Variants in PAIP2 observed in about 807,000 individuals in gnomAD.
PAIP2 encodes the protein poly(A) binding protein interacting protein 2, also known as polyadenylate-binding protein-interacting protein 2.
In PAIP2, 7 loss-of-function variants were observed where a neutral mutation model predicts 14.8. The observed-to-expected ratio is 0.47, with a 90% CI of 0.27 to 0.89. The LOEUF (loss-of-function observed/expected upper bound fraction) is 0.89. Among genes scored for constraint, PAIP2 ranks in the 40% least tolerant of loss-of-function variants. The pLI, the probability that PAIP2 is intolerant of heterozygous loss-of-function variation, is 0.13. For synonymous variants in PAIP2, 47 were observed against 45.3 expected, an observed-to-expected ratio of 1.04 and a Z score of -0.15; for missense variants, 122 against 154.7, an observed-to-expected ratio of 0.79 and a Z score of 1.12.
At chr5:139,365,407 T>C (rs1458801428) in intron 3 of PAIP2, among the ~76,000 whole-genome samples, 1 of 151,394 alleles carries the variant, frequency 6.6e-6, no homozygotes, top group Non-Finnish European at 1.5e-5. Flanking sequence ...GGAGAATTGC[T>C]TGAATCTGGG....
At chr5:139,344,903 A>G (rs1271147028) in intron 1 of PAIP2, among the ~76,000 whole-genome samples, 1 of 152,044 alleles carries the variant, frequency 6.6e-6, no homozygotes, top group Non-Finnish European at 1.5e-5. Context: ...GCCAATTGTT[A>G]TGTGCTAGGT....
chr5:139,346,163 G>A (rs1240870121), intron 1 of PAIP2, among the ~76,000 whole-genome samples: 1 of 152,178 alleles, frequency 6.6e-6, no homozygotes, highest in Non-Finnish European at 1.5e-5. Context: ...GGAAAAAATT[G>A]CTCTTACCTA....
intron 1 of PAIP2, among the ~76,000 whole-genome samples, chr5:139,349,332 T>C (rs1490084079): frequency 6.6e-6 from 1 of 151,400 alleles, no homozygotes; most frequent in Non-Finnish European, 1.5e-5. Context: ...CACTGCAACC[T>C]CCGCCTCCTG....
chr5:139,363,603 TC>T (rs1405230958), intron 1 of PAIP2, among the ~76,000 whole-genome samples, 155 bp from the exon 2 acceptor site: 6 of 152,040 alleles, frequency 3.9e-5, no homozygotes, highest in Non-Finnish European at 8.8e-5. Flanking sequence ...ACACCTGTAG[TC>T]CCAGTTACTT....
In PAIP2 at chr5:139,364,100, C is replaced by T. The variant is rs1358848344; in HGVS notation, c.138+178C>T. ...AGGCTTAACTGCTTACGGAAATAAC[C>T]TGGGGAGCTTGTTTCAGGGTCCCAC... is the stretch of plus-strand genomic sequence containing the variant. On this transcript the variant is annotated intron_variant, in intron 2 of 3. Coordinates refer to ENST00000265192, the MANE Select transcript of PAIP2 (RefSeq NM_016480.5). 6.6e-6 allele frequency: 4 copies of T among 604,556 alleles called. No individual in the cohort carries two copies. The African/African-American group carries it at 7.5e-5, about 11-fold the overall frequency. The allele number at this position is 604,556 out of a possible 1,614,324, so 37.4% of individuals were successfully genotyped here. A position where few individuals can be genotyped will look rare whatever the true frequency, so the allele number is the denominator to read the frequency against.
At chr5:139,362,496 C>T (rs1472353677) in intron 1 of PAIP2, among the ~76,000 whole-genome samples, 7 of 149,408 alleles carry the variant, frequency 4.7e-5, no homozygotes, top group Non-Finnish European at 7.4e-5. Flanking sequence ...CCACAGCCTC[C>T]GCCTCCCGGG....
intron 1 of PAIP2, among the ~76,000 whole-genome samples, chr5:139,350,039 G>A (rs1756679526): frequency 6.6e-6 from 1 of 151,872 alleles, no homozygotes; most frequent in African/African-American, 2.4e-5. Flanking sequence ...GCCAGGTGTG[G>A]TGGCGGGCGC....
chr5:139,355,073 C>T (rs1756867247), intron 1 of PAIP2, among the ~76,000 whole-genome samples: 1 of 151,890 alleles, frequency 6.6e-6, no homozygotes, highest in South Asian at 2.1e-4. Flanking sequence ...CTGCCCCAGC[C>T]TTCCAAAGTC....
At chr5:139,364,107 G>A in intron 2 of PAIP2, 185 bp downstream of exon 2, 1 of 594,102 alleles carries the variant, frequency 1.7e-6, no homozygotes. Context: ...AACCTGGGGA[G>A]CTTGTTTCAG....
At chr5:139,358,886 T>C (rs1756992432) in intron 1 of PAIP2, among the ~76,000 whole-genome samples, 2 of 152,176 alleles carry the variant, frequency 1.3e-5, no homozygotes, top group Admixed American at 6.6e-5. Flanking sequence ...TGACTACAGA[T>C]GGGTATGGAG....
intron 3 of PAIP2, chr5:139,367,065 A>G (rs1305827633): frequency 6.6e-6 from 1 of 152,216 alleles, no homozygotes; most frequent in African/African-American, 2.4e-5. Flanking sequence ...GTCTCAAAAA[A>G]AGAGAAAAGG....
At chr5:139,350,584 T>C (rs1318747117) in intron 1 of PAIP2, among the ~76,000 whole-genome samples, 1 of 151,810 alleles carries the variant, frequency 6.6e-6, no homozygotes, top group Non-Finnish European at 1.5e-5. Flanking sequence ...TGAGCCGAGA[T>C]TGTGCCACTG....
intron 3 of PAIP2, chr5:139,367,654 A>G (rs1485243404): frequency 6.6e-6 from 1 of 152,136 alleles, no homozygotes; most frequent in African/African-American, 2.4e-5. Context: ...GAAGATGGCA[A>G]TTGTAGAAAA....
At chr5:139,361,011 G>C (rs1261408178) in intron 1 of PAIP2, among the ~76,000 whole-genome samples, 1 of 152,048 alleles carries the variant, frequency 6.6e-6, no homozygotes, top group African/African-American at 2.4e-5. Context: ...GAACTCCTGG[G>C]CTCAAGCAGT....
chr5:139,341,984 A>AG lies in PAIP2; in HGVS notation c.-27+8dup, dbSNP rs1420953797. 3 of 152,526 alleles carry AG rather than the reference A, an allele frequency of 2.0e-5. No homozygotes were observed. Among genetic ancestry groups the AG allele is most frequent in the South Asian group, 4.2e-4 (2 of 4,810 alleles). The allele number at this position is 152,526 out of a possible 1,614,324, so 9.4% of individuals were successfully genotyped here. On this transcript the variant is annotated splice_donor_region_variant and intron_variant, in intron 1 of 3. Transcript: ENST00000265192. ...CGTCCCCGCTGCTGTGCATTGGGTG[A>AG]GGGGTCCTCTCGGGCAGAGTGGCGA...
chr5:139,368,132 G>A (rs1757395483), intron 3 of PAIP2, among the ~76,000 whole-genome samples: 2 of 151,952 alleles, frequency 1.3e-5, no homozygotes, highest in African/African-American at 4.8e-5. Context: ...TCAGGAGATC[G>A]AGACCATCCT....
chr5:139,346,384 A>G (rs1303734354), intron 1 of PAIP2, among the ~76,000 whole-genome samples: 1 of 151,734 alleles, frequency 6.6e-6, no homozygotes, highest in Non-Finnish European at 1.5e-5. Flanking sequence ...TGGGACTACA[A>G]GCATGTGCCA....
chr5:139,361,017 G>A (rs886353009), intron 1 of PAIP2, among the ~76,000 whole-genome samples: 9 of 152,114 alleles, frequency 5.9e-5, no homozygotes, highest in African/African-American at 2.2e-4. Flanking sequence ...CTGGGCTCAA[G>A]CAGTCCGCCT....
intron 1 of PAIP2, among the ~76,000 whole-genome samples, chr5:139,362,390 T>A (rs1561963366): frequency 6.6e-6 from 1 of 150,716 alleles, no homozygotes; most frequent in Non-Finnish European, 1.5e-5. Flanking sequence ...CCAGCTAAAT[T>A]TTTTGTTTTT....
Sources: gnomAD v4.1 joint callset for allele counts (sites outside exome capture counted in the v4.1 genomes callset) on GRCh38, gnomAD v4.1.1 for gene constraint, MANE v1.5 for transcripts, NCBI Gene and HGNC (gene_info 2026-07-23, HGNC 2026-07-21) for gene names.